The following AKAP19 variants were observed in gnomAD, a reference collection of about 807,000 sequenced individuals.
AKAP19 encodes A-kinase anchoring protein 19, also known as small A-kinase anchoring protein.
At chr2:190,000,517 A>T in the AKAP19 span, among the ~76,000 whole-genome samples, 1 of 152,216 alleles carries the variant, frequency 6.6e-6, no homozygotes. Context: ...CCAGGCATGT[A>T]TATGTGACCC....
the AKAP19 span, among the ~76,000 whole-genome samples, chr2:190,037,722 C>T: frequency 3.3e-5 from 5 of 152,178 alleles, no homozygotes; most frequent in Non-Finnish European, 5.9e-5. Flanking sequence ...CTCTTTCTTC[C>T]TTAGGATCCA....
the AKAP19 span, among the ~76,000 whole-genome samples, chr2:190,114,825 G>T: frequency 6.6e-6 from 1 of 152,028 alleles, no homozygotes; most frequent in African/African-American, 2.4e-5. Context: ...CTTCTAACCA[G>T]TGTTGCTATT....
At chr2:189,978,076 T>G in the AKAP19 span, among the ~76,000 whole-genome samples, 2 of 152,172 alleles carry the variant, frequency 1.3e-5, no homozygotes, top group Admixed American at 1.3e-4. Flanking sequence ...TCCTATTTGA[T>G]AGGTTAAGCA....
chr2:189,931,699 A>G, the AKAP19 span, among the ~76,000 whole-genome samples: 1 of 152,088 alleles, frequency 6.6e-6, no homozygotes, highest in African/African-American at 2.4e-5. Context: ...GGCTCACTGC[A>G]GCCTTGACTT....
At chr2:189,924,246 C>T in the AKAP19 span, 6 of 1,408,034 alleles carry the variant, frequency 4.3e-6, no homozygotes, top group Non-Finnish European at 6.0e-6. Context: ...AATCTTATCC[C>T]ATTATTTCTT....
the AKAP19 span, among the ~76,000 whole-genome samples, chr2:190,163,314 G>A: frequency 4.6e-5 from 7 of 151,832 alleles, no homozygotes; most frequent in African/African-American, 1.5e-4. Flanking sequence ...GGCGCCTGTA[G>A]TCCCAGCTAC....
chr2:189,923,455 T>A, the AKAP19 span: 1 of 1,613,956 alleles, frequency 6.2e-7, no homozygotes. Flanking sequence ...TTTCGAAGTA[T>A]GGCAAAATTG....
At chr2:189,897,400 T>C in the AKAP19 span, among the ~76,000 whole-genome samples, 1 of 152,164 alleles carries the variant, frequency 6.6e-6, no homozygotes, top group Non-Finnish European at 1.5e-5. Context: ...AAATTACAGT[T>C]AACTTTCTAT....
At chr2:190,118,024 A>G in the AKAP19 span, among the ~76,000 whole-genome samples, 1 of 152,214 alleles carries the variant, frequency 6.6e-6, no homozygotes, top group Non-Finnish European at 1.5e-5. Flanking sequence ...ATAAAAAATG[A>G]TAAAGGGGAT....
chr2:190,195,941 CT>C, the AKAP19 span, among the ~76,000 whole-genome samples: 2,732 of 86,158 alleles, frequency 0.032, 54 homozygotes, highest in African/African-American at 0.11. Flanking sequence ...CTGTGTCCAG[CT>C]TTTTTTTTTT....
At chr2:189,974,257 A>G in the AKAP19 span, among the ~76,000 whole-genome samples, 1 of 152,148 alleles carries the variant, frequency 6.6e-6, no homozygotes, top group Non-Finnish European at 1.5e-5. Context: ...ATCCAGGAGC[A>G]GGTTGTTCAG....
chr2:190,060,313 G>A, the AKAP19 span: 17 of 1,612,986 alleles, frequency 1.1e-5, no homozygotes, highest in African/African-American at 2.3e-4. Flanking sequence ...ACTGTTGTAG[G>A]AGTCTCGACG....
chr2:190,165,803 C>A, the AKAP19 span, among the ~76,000 whole-genome samples: 177 of 152,112 alleles, frequency 1.2e-3, no homozygotes, highest in African/African-American at 4.1e-3. Flanking sequence ...CAACAAATTC[C>A]AAACAGAATA....
the AKAP19 span, among the ~76,000 whole-genome samples, chr2:190,076,700 A>T: frequency 6.6e-6 from 1 of 151,838 alleles, no homozygotes; most frequent in East Asian, 1.9e-4. Flanking sequence ...TACTTTTAAG[A>T]TTTTCTCTTT....
chr2:189,986,661 A>G, the AKAP19 span, among the ~76,000 whole-genome samples: 10 of 152,144 alleles, frequency 6.6e-5, no homozygotes, highest in African/African-American at 2.4e-4. Flanking sequence ...CTATCCCCTT[A>G]CTTCTCTGCT....
chr2:190,065,025 C>T, the AKAP19 span, among the ~76,000 whole-genome samples: 11 of 152,286 alleles, frequency 7.2e-5, no homozygotes, highest in South Asian at 4.1e-4. Context: ...TCCTATCTGA[C>T]GCACAGGTTC....
chr2:189,949,881 C>T, the AKAP19 span, among the ~76,000 whole-genome samples: 1 of 151,486 alleles, frequency 6.6e-6, no homozygotes, highest in Non-Finnish European at 1.5e-5. Context: ...CTACCTGCCT[C>T]GACCTCCCAA....
chr2:189,912,281 C>G, the AKAP19 span, among the ~76,000 whole-genome samples: 25 of 152,052 alleles, frequency 1.6e-4, no homozygotes, highest in Non-Finnish European at 3.5e-4. Flanking sequence ...TGGCTCACAC[C>G]TATAATCCCA....
the AKAP19 span, among the ~76,000 whole-genome samples, chr2:189,920,766 A>G: frequency 2.0e-5 from 3 of 152,232 alleles, no homozygotes; most frequent in African/African-American, 7.2e-5. Flanking sequence ...GAATGGAAGA[A>G]TAATGACCTG....
Sources: gnomAD v4.1 joint callset for allele counts (sites outside exome capture counted in the v4.1 genomes callset) on GRCh38, gnomAD v4.1.1 for gene constraint, MANE v1.5 for transcripts, NCBI Gene and HGNC (gene_info 2026-07-23, HGNC 2026-07-21) for gene names.